ROBO2: variants seen among roughly 807,000 people sequenced by gnomAD.
ROBO2 encodes the protein roundabout guidance receptor 2.
ROBO2 carries 53 observed loss-of-function variants against 160.8 expected under a neutral mutation model. The ratio of observed to expected loss-of-function variants is 0.33; its 90% confidence interval spans 0.26 to 0.41. ROBO2 has a LOEUF of 0.41. Among genes scored for constraint, ROBO2 ranks in the 10% least tolerant of loss-of-function variants. The pLI is 1.00. For missense variants in ROBO2, 1,577 were observed against 1,722.4 expected (o/e 0.92, Z 1.49); for synonymous variants, 664 against 611.7 (o/e 1.09, Z -1.26).
rs1027950501 is a variant in ROBO2 at position 76,395,183 on chromosome 3, C to T, written c.109+457581C>T. On this transcript the variant is annotated intron_variant, in intron 2 of 26. Transcript: ENST00000487694. ...CAGGATTAAGAAACTCACTCAAAAC[C>T]GCTCAACTACATGGAAACTGAACAA... Among the ~76,000 whole-genome samples the T allele has an allele frequency of 3.4e-4, 52 of 150,876 alleles. 1 individual carries two copies. The highest frequency in any genetic ancestry group is 6.3e-4 in the South Asian group (3 of 4,744).
At chr3:76,150,464 AAC>A (rs1559594669) in intron 2 of ROBO2, among the ~76,000 whole-genome samples, 3 of 151,950 alleles carry the variant, frequency 2.0e-5, no homozygotes, top group African/African-American at 4.8e-5. Context: ...ATCTGTCTAA[AAC>A]ACACATATGT....
intron 9 of ROBO2, among the ~76,000 whole-genome samples, chr3:77,561,200 A>G (rs1340265131): frequency 6.6e-6 from 1 of 152,204 alleles, no homozygotes; most frequent in Non-Finnish European, 1.5e-5. Flanking sequence ...CTGAGAATCA[A>G]TCGAGAAAGC....
At chr3:77,142,342 A>G (rs1057361507) in intron 2 of ROBO2, among the ~76,000 whole-genome samples, 9 of 152,210 alleles carry the variant, frequency 5.9e-5, no homozygotes, top group African/African-American at 1.4e-4. Flanking sequence ...ACACTTGTAT[A>G]GATAATTATG....
chr3:76,707,898 A>G (rs1220383118), intron 2 of ROBO2, among the ~76,000 whole-genome samples: 1 of 151,932 alleles, frequency 6.6e-6, no homozygotes, highest in African/African-American at 2.4e-5. Context: ...CAGAAAAAGA[A>G]CTCCAAAATT....
At chr3:75,932,801 A>G (rs1315123069) in intron 1 of ROBO2, among the ~76,000 whole-genome samples, 2 of 152,210 alleles carry the variant, frequency 1.3e-5, no homozygotes, top group South Asian at 2.1e-4. Context: ...CAGAAATTAA[A>G]TGGGGTCAAA....
intron 2 of ROBO2, among the ~76,000 whole-genome samples, chr3:76,807,265 G>T (rs534870858): frequency 1.7e-3 from 256 of 152,102 alleles, no homozygotes; most frequent in African/African-American, 5.8e-3. Flanking sequence ...ACCTGAACTT[G>T]TAGATTTTGC....
chr3:76,222,158 G>A (rs1704007235), intron 2 of ROBO2, among the ~76,000 whole-genome samples: 1 of 152,100 alleles, frequency 6.6e-6, no homozygotes, highest in Admixed American at 6.5e-5. Context: ...TGTTACTGGT[G>A]GAATGTATCT....
chr3:77,516,794 T>C (rs1470572), intron 5 of ROBO2, among the ~76,000 whole-genome samples: 120,160 of 151,528 alleles, frequency 0.79, 48,380 homozygotes, highest in African/African-American at 0.93. Flanking sequence ...AACATTACTA[T>C]GCTTCTTGAT....
At chr3:77,362,431 T>G (rs931371524) in intron 2 of ROBO2, among the ~76,000 whole-genome samples, 1 of 152,014 alleles carries the variant, frequency 6.6e-6, no homozygotes, top group African/African-American at 2.4e-5. Context: ...ACAGAGTGAT[T>G]AGGTATCATC....
chr3:75,993,610 C>T lies in ROBO2; in HGVS notation c.109+56008C>T, dbSNP rs116537681. 4.0e-3 allele frequency among the ~76,000 whole-genome samples: 615 copies of T among 152,124 alleles called. 2 individuals are homozygous for T. Among genetic ancestry groups the T allele is most frequent in the African/African-American group, 0.014 (571 of 41,478 alleles). Reference sequence around the variant, plus strand: ...TAAGTCCCTTTCAGTTTTTTTAATTCGCAATTTTAGGTGGAAACTGTACCA... The same window carrying T: ...TAAGTCCCTTTCAGTTTTTTTAATTTGCAATTTTAGGTGGAAACTGTACCA... On this transcript the variant is annotated intron_variant, in intron 2 of 26. Transcript: ENST00000487694.
intron 2 of ROBO2, among the ~76,000 whole-genome samples, chr3:76,633,968 C>G (rs2090173597): frequency 6.6e-6 from 1 of 152,074 alleles, no homozygotes; most frequent in Admixed American, 6.6e-5. Flanking sequence ...GCAACATTGG[C>G]CTTGCAAAAT....
intron 2 of ROBO2, among the ~76,000 whole-genome samples, chr3:76,791,875 A>G (rs1368669999): frequency 6.6e-6 from 1 of 151,850 alleles, no homozygotes; most frequent in Non-Finnish European, 1.5e-5. Context: ...TTAAAAATAC[A>G]GTATAACAGC....
At chr3:77,191,333 T>C (rs1191116363) in intron 2 of ROBO2, among the ~76,000 whole-genome samples, 1 of 152,084 alleles carries the variant, frequency 6.6e-6, no homozygotes, top group Non-Finnish European at 1.5e-5. Flanking sequence ...GTTAGTCCAG[T>C]AGAGAGCCAT....
At chr3:76,060,454 A>G (rs530985000) in intron 2 of ROBO2, among the ~76,000 whole-genome samples, 1 of 152,208 alleles carries the variant, frequency 6.6e-6, no homozygotes, top group South Asian at 2.1e-4. Context: ...AAGGTTTATA[A>G]AATTATACTA....
intron 2 of ROBO2, among the ~76,000 whole-genome samples, chr3:77,359,429 G>T (rs1257060799): frequency 6.6e-6 from 1 of 152,186 alleles, no homozygotes; most frequent in African/African-American, 2.4e-5. Flanking sequence ...CTTTTAGGCA[G>T]AAAGCATCCG....
chr3:76,888,047 C>A (rs2074046474), intron 2 of ROBO2, among the ~76,000 whole-genome samples: 1 of 152,098 alleles, frequency 6.6e-6, no homozygotes. Context: ...ATAGTAGGAT[C>A]CAAACAGAAA....
At chr3:77,428,337 A>ATTTTTTTTTTTTTT (rs1491236295) in intron 2 of ROBO2, among the ~76,000 whole-genome samples, 2 of 128,224 alleles carry the variant, frequency 1.6e-5, no homozygotes, top group Non-Finnish European at 1.6e-5. Context: ...AACTTAGGTA[A>ATTTTTTTTTTTTTT]TATTTTTTTT....
intron 2 of ROBO2, among the ~76,000 whole-genome samples, chr3:77,372,105 A>G (rs1417215725): frequency 1.3e-5 from 2 of 152,100 alleles, no homozygotes; most frequent in Non-Finnish European, 1.5e-5. Context: ...GAGACTGTAA[A>G]CTACATTGAA....
At chr3:76,892,476 T>G (rs62261847) in intron 2 of ROBO2, among the ~76,000 whole-genome samples, 18,450 of 152,124 alleles carry the variant, frequency 0.12, 1,485 homozygotes, top group Admixed American at 0.23. Flanking sequence ...AGTGCCCAGA[T>G]GCCAATAACA....
Sources: gnomAD v4.1 joint callset for allele counts (sites outside exome capture counted in the v4.1 genomes callset) on GRCh38, gnomAD v4.1.1 for gene constraint, MANE v1.5 for transcripts, NCBI Gene and HGNC (gene_info 2026-07-23, HGNC 2026-07-21) for gene names.